SCHIP1: variants seen among roughly 807,000 people sequenced by gnomAD.
SCHIP1 encodes schwannomin interacting protein 1, also known as schwannomin-interacting protein 1.
A neutral mutation model predicts 29.7 loss-of-function variants in SCHIP1; 8 were observed. That is an observed-to-expected ratio of 0.27 (90% confidence interval 0.16 to 0.49). The LOEUF is 0.49. SCHIP1 is among the 20% of genes least tolerant of loss of function. The pLI is 0.99. For synonymous variants in SCHIP1, 76 were observed against 94.9 expected (o/e 0.80, Z 1.16); for missense variants, 193 against 294.6 (o/e 0.66, Z 2.52).
At chr3:159,308,725 C>A in the SCHIP1 span, among the ~76,000 whole-genome samples, 1 of 152,090 alleles carries the variant, frequency 6.6e-6, no homozygotes, top group Non-Finnish European at 1.5e-5. Context: ...ATGTTTATTG[C>A]AGTGCTATTT....
At chr3:159,432,286 ATGTGTGTGTGTGTGTG>A in the SCHIP1 span, among the ~76,000 whole-genome samples, 142 of 108,156 alleles carry the variant, frequency 1.3e-3, 1 homozygote, top group African/African-American at 3.5e-3. Context: ...AGAGTAGGTG[ATGTGTGTGTGTGTGTG>A]TGTGTGTGTG....
the SCHIP1 span, among the ~76,000 whole-genome samples, chr3:159,692,290 G>T: frequency 6.6e-6 from 1 of 152,122 alleles, no homozygotes; most frequent in East Asian, 1.9e-4. Context: ...GGTTGGGGAA[G>T]TTCTCCTGGA....
the SCHIP1 span, among the ~76,000 whole-genome samples, chr3:159,439,408 C>T: frequency 9.9e-5 from 15 of 151,970 alleles, no homozygotes; most frequent in African/African-American, 2.2e-4. Flanking sequence ...GGTGGAAGAC[C>T]GCCTTATAAA....
chr3:159,731,568 G>GTGTCTTACAACACATTA, the SCHIP1 span, among the ~76,000 whole-genome samples: 4 of 152,196 alleles, frequency 2.6e-5, no homozygotes, highest in Non-Finnish European at 5.9e-5. Flanking sequence ...TTTTCAGGAT[G>GTGTCTTACAACACATTA]CAGCGCAAAT....
At chr3:159,764,329 C>T in the SCHIP1 span, 253 of 1,336,078 alleles carry the variant, frequency 1.9e-4, 2 homozygotes, top group African/African-American at 3.3e-3. The surrounding 1 kb of genome is among the most constrained non-coding windows in gnomAD (Gnocchi z 6.1). Flanking sequence ...GGGGGACGCA[C>T]CTCTGACCCA....
the SCHIP1 span, among the ~76,000 whole-genome samples, chr3:159,755,049 C>T: frequency 2.0e-5 from 3 of 152,136 alleles, no homozygotes; most frequent in African/African-American, 7.2e-5. Context: ...TCCTGGCTAA[C>T]ACAGTGAAAC....
chr3:159,791,228 G>A, the SCHIP1 span, among the ~76,000 whole-genome samples: 1 of 152,118 alleles, frequency 6.6e-6, no homozygotes, highest in Non-Finnish European at 1.5e-5. Context: ...ATCAGCCCAG[G>A]GGCCCATCAG....
At chr3:159,369,141 C>T in the SCHIP1 span, among the ~76,000 whole-genome samples, 33 of 152,222 alleles carry the variant, frequency 2.2e-4, no homozygotes, top group African/African-American at 7.5e-4. Context: ...TCTCTAGTTT[C>T]AAAAATTGTA....
the SCHIP1 span, among the ~76,000 whole-genome samples, chr3:159,663,476 T>C: frequency 1.3e-5 from 2 of 152,312 alleles, no homozygotes; most frequent in Middle Eastern, 3.4e-3. Context: ...CTAGGATCCA[T>C]TGTATGTCTA....
At chr3:159,373,515 T>TATC in the SCHIP1 span, among the ~76,000 whole-genome samples, 1 of 152,098 alleles carries the variant, frequency 6.6e-6, no homozygotes, top group Non-Finnish European at 1.5e-5. Context: ...GCTCTGAGTC[T>TATC]ATCTCCAAGA....
At chr3:159,627,006 A>G in the SCHIP1 span, among the ~76,000 whole-genome samples, 5 of 152,028 alleles carry the variant, frequency 3.3e-5, no homozygotes, top group Non-Finnish European at 7.4e-5. Context: ...TGCATTAGGT[A>G]TTTGTTCTAA....
chr3:159,510,549 T>G, the SCHIP1 span, among the ~76,000 whole-genome samples: 3 of 152,206 alleles, frequency 2.0e-5, no homozygotes, highest in Non-Finnish European at 4.4e-5. Flanking sequence ...GCGCTCTGAT[T>G]TTTAGAGTTT....
chr3:159,788,321 G>C, the SCHIP1 span, among the ~76,000 whole-genome samples: 1 of 152,206 alleles, frequency 6.6e-6, no homozygotes. Flanking sequence ...TACTCTAAAA[G>C]CTGGTTTTAA....
upstream of SCHIP1, among the ~76,000 whole-genome samples, chr3:159,839,628 CTTTTTTTTTTTT>C (rs3068349): frequency 2.8e-5 from 2 of 71,770 alleles, no homozygotes; most frequent in Non-Finnish European, 4.9e-5. Context: ...AGGTCTTTTT[CTTTTTTTTTTTT>C]TTTTTTTTTT....
the SCHIP1 span, among the ~76,000 whole-genome samples, chr3:159,574,067 G>A: frequency 0.15 from 22,157 of 151,960 alleles, 1,942 homozygotes; most frequent in African/African-American, 0.24. Flanking sequence ...TCCTCCTTTG[G>A]CTCAGAGAAG....
the SCHIP1 span, among the ~76,000 whole-genome samples, chr3:159,532,274 T>C: frequency 6.6e-6 from 1 of 152,128 alleles, no homozygotes; most frequent in East Asian, 1.9e-4. Context: ...GTAAACAATG[T>C]TTATTGTTTG....
At chr3:159,538,276 T>C in the SCHIP1 span, among the ~76,000 whole-genome samples, 1 of 152,174 alleles carries the variant, frequency 6.6e-6, no homozygotes, top group African/African-American at 2.4e-5. Context: ...AATAATTTGA[T>C]GGTGAGAAAG....
chr3:159,496,959 C>T, the SCHIP1 span, among the ~76,000 whole-genome samples: 1 of 152,110 alleles, frequency 6.6e-6, no homozygotes, highest in African/African-American at 2.4e-5. Flanking sequence ...TTTGTAGCGA[C>T]ATGGATGACG....
chr3:159,348,702 C>A, the SCHIP1 span, among the ~76,000 whole-genome samples: 83 of 152,194 alleles, frequency 5.5e-4, no homozygotes, highest in African/African-American at 1.9e-3. Flanking sequence ...TGAATATTTG[C>A]ATAAATATTT....
Sources: gnomAD v4.1 joint callset for allele counts (sites outside exome capture counted in the v4.1 genomes callset) on GRCh38, gnomAD v4.1.1 for gene constraint, Gnocchi (gnomAD v3.1) non-coding constraint, MANE v1.5 for transcripts, NCBI Gene and HGNC (gene_info 2026-07-23, HGNC 2026-07-21) for gene names.